Variants in SLC35F5 observed in about 807,000 individuals in gnomAD.
The protein encoded by SLC35F5 is solute carrier family 35 member F5, also known as HCV NS5A-transactivated protein 3.
A neutral mutation model predicts 68.6 loss-of-function variants in SLC35F5; 54 were observed. The observed-to-expected ratio is 0.79, with a 90% confidence interval of 0.63 to 0.99. The LOEUF (loss-of-function observed/expected upper bound fraction) is 0.99, where lower values mean the gene tolerates loss of function less well. Among genes scored for constraint, SLC35F5 ranks in the 50% least tolerant of loss-of-function variants. The pLI is 0.00. For missense variants in SLC35F5, 567 were observed against 626.9 expected, an observed-to-expected ratio of 0.90 and a Z score of 1.02; for synonymous variants, 211 against 205.2, an observed-to-expected ratio of 1.03 and a Z score of -0.24.
chr2:113,735,856 C>G lies in SLC35F5; in HGVS notation c.753G>C (p.Trp251Cys), dbSNP rs1187466058. The G allele has an allele frequency of 1.2e-6, 2 of 1,604,786 alleles. No homozygotes were observed. Among genetic ancestry groups the G allele is most frequent in the East Asian group, 2.2e-5 (1 of 44,632 alleles). The change falls in exon 8 of 16, where the codon TGG (tryptophan) becomes TGC (cysteine). Residue 251 changes from tryptophan to cysteine, a missense_variant and splice_region_variant. Coordinates refer to ENST00000245680, the MANE Select transcript of SLC35F5 (RefSeq NM_025181.5). ...CTTGATATGACAAATTTGCCAAAAA[C>G]CACTAAAGAAAAAGAAAACCAAAGT... is the stretch of plus-strand genomic sequence containing the variant. ...AKISFFFCFV[W>C]FLANLSYQEA...
Position 113,718,963 on chromosome 2 carries a change from G to C in SLC35F5, c.1496+191C>G, listed in dbSNP as rs141428044. On this transcript the variant is annotated intron_variant, in intron 14 of 15. Coordinates refer to ENST00000245680, the MANE Select transcript of SLC35F5 (RefSeq NM_025181.5). ...AGAAAGGAAGGAAGGAAGAAAGAAA[G>C]AAAGAAAGGAGAAAGAATCTTATTA... Among the ~76,000 whole-genome samples, 139 of 151,466 alleles carry C rather than the reference G, an allele frequency of 9.2e-4. 1 individual carries two copies. In the East Asian group the frequency reaches 0.024, roughly 26 times the overall value.
intron 4 of SLC35F5, among the ~76,000 whole-genome samples, chr2:113,749,632 T>C (rs1435817253): frequency 6.6e-6 from 1 of 152,126 alleles, no homozygotes; most frequent in African/African-American, 2.4e-5. Flanking sequence ...CAGTGGTTAC[T>C]AGGGTTTGGA....
intron 2 of SLC35F5, 33 bp from the exon 3 acceptor site, chr2:113,755,339 A>C (rs772230313): frequency 2.5e-6 from 4 of 1,609,296 alleles, no homozygotes; most frequent in Non-Finnish European, 3.4e-6. Context: ...CACATTAGAG[A>C]TGATTTTAGA....
At position 113,713,021 on chromosome 2, in the gene SLC35F5, C is replaced by T. The variant is rs924152960; in HGVS notation, c.*2197G>A. The T allele has an allele frequency of 2.6e-5, 4 of 152,146 alleles. No individual in the cohort carries two copies. The highest frequency in any genetic ancestry group is 9.7e-5 in the African/African-American group (4 of 41,404). The allele number at this position is 152,146 out of a possible 1,614,324, so 9.4% of individuals were successfully genotyped here. A position where few individuals can be genotyped will look rare whatever the true frequency, so the allele number is the denominator to read the frequency against. ...CAACTTTATTTCTTGAGAAGATGAA[C>T]CCTTAACTATGAAGGTGCAGAAAGG... On this transcript the variant is annotated 3_prime_UTR_variant, in exon 16 of 16. Coordinates refer to ENST00000245680, the MANE Select transcript of SLC35F5 (RefSeq NM_025181.5).
At chr2:113,734,766 A>G in intron 8 of SLC35F5, 93 bp from the exon 9 acceptor site, 1 of 688,596 alleles carries the variant, frequency 1.5e-6, no homozygotes, top group Non-Finnish European at 2.5e-6. Flanking sequence ...AGCAAATTAT[A>G]TACCTACCTT....
At chr2:113,718,866 AAAGAAAGAAAGAAAG>A (rs1687284261) in intron 14 of SLC35F5, among the ~76,000 whole-genome samples, 2 of 13,126 alleles carry the variant, frequency 1.5e-4, no homozygotes, top group African/African-American at 3.5e-4. Flanking sequence ...AGAGAAAGAA[AAAGAAAGAAAGAAAG>A]AAAGAAAGAA....
intron 14 of SLC35F5, among the ~76,000 whole-genome samples, chr2:113,718,536 T>C (rs571228467): frequency 6.6e-6 from 1 of 152,204 alleles, no homozygotes; most frequent in Non-Finnish European, 1.5e-5. Context: ...CTGTGAATCA[T>C]ATTTTTTTTA....
chr2:113,717,648 C>G (rs1687230167), intron 15 of SLC35F5, 105 bp downstream of exon 15: 1 of 734,496 alleles, frequency 1.4e-6, no homozygotes, highest in Non-Finnish European at 2.2e-6. Flanking sequence ...CCTTTAGCCT[C>G]TAAGGCTGTA....
chr2:113,734,450 A>G, intron 9 of SLC35F5, 136 bp downstream of exon 9: 4 of 593,882 alleles, frequency 6.7e-6, no homozygotes, highest in Non-Finnish European at 1.2e-5. Context: ...GCTAAGTAGC[A>G]TCATGTCCAC....
chr2:113,704,885 G>A (rs1686768700), downstream of SLC35F5: 2 of 152,946 alleles, frequency 1.3e-5, no homozygotes, highest in African/African-American at 4.8e-5. Context: ...GGCTCCTCAA[G>A]TGCCGTCAAA....
chr2:113,703,321 C>G (rs1000194637), downstream of SLC35F5, among the ~76,000 whole-genome samples: 2 of 152,088 alleles, frequency 1.3e-5, no homozygotes, highest in Non-Finnish European at 2.9e-5. Context: ...AGTCCATATG[C>G]TAAAAGCAAG....
At chr2:113,720,134 C>T (rs551933693) in intron 13 of SLC35F5, among the ~76,000 whole-genome samples, 2 of 151,442 alleles carry the variant, frequency 1.3e-5, no homozygotes, top group African/African-American at 4.8e-5. Context: ...ACTCATTCTT[C>T]CCTTTCACTA....
At chr2:113,741,479 A>G (rs530798766) in intron 7 of SLC35F5, among the ~76,000 whole-genome samples, 3 of 152,230 alleles carry the variant, frequency 2.0e-5, no homozygotes, top group Middle Eastern at 3.4e-3. Context: ...GGCAGGGGGA[A>G]TCACCTGAGG....
rs528890806 is a variant in SLC35F5, at chr2:113,756,289, G to A, written c.40+81C>T. 1.6e-5 allele frequency: 24 copies of A among 1,546,440 alleles called. No individual in the cohort carries two copies. In the South Asian group the frequency reaches 2.6e-4, roughly 17 times the overall value. Reference sequence around the variant, plus strand: ...GTCAAGGCGCTCCTGCTGCCACCGAGGGCAGGAGGTGGTGCTGCTGGTGGG... The same window carrying A: ...GTCAAGGCGCTCCTGCTGCCACCGAAGGCAGGAGGTGGTGCTGCTGGTGGG... On this transcript the variant is annotated intron_variant, in intron 1 of 15. Coordinates refer to ENST00000245680, the MANE Select transcript of SLC35F5 (RefSeq NM_025181.5).
At chr2:113,728,648 C>T (rs1010514045) in intron 11 of SLC35F5, among the ~76,000 whole-genome samples, 2 of 152,190 alleles carry the variant, frequency 1.3e-5, no homozygotes, top group African/African-American at 4.8e-5. Context: ...TTTCAGATGC[C>T]TATGAGATAA....
chr2:113,756,413 C>A lies in SLC35F5; in HGVS notation c.-4G>T. 1.9e-6 allele frequency: 3 copies of A among 1,554,902 alleles called. No individual in the cohort carries two copies. Among genetic ancestry groups the A allele is most frequent in the Non-Finnish European group, 2.6e-6 (3 of 1,151,644 alleles). On this transcript the variant is annotated 5_prime_UTR_variant, in exon 1 of 16. Coordinates refer to ENST00000245680, the MANE Select transcript of SLC35F5 (RefSeq NM_025181.5). ...GATGGCGTCGTGGCGGCACCATGAG[C>A]GGACCGGTCAGGCCCCGCAGCCGCC...
chr2:113,753,417 T>C lies in SLC35F5; in HGVS notation c.273+1748A>G, dbSNP rs149306605. Reference sequence around the variant, plus strand: ...GTCTCGAACTCCTGACTTCAGGTGATCTGCCCACCTGATCTTCCCAAAGTG... The same window carrying C: ...GTCTCGAACTCCTGACTTCAGGTGACCTGCCCACCTGATCTTCCCAAAGTG... On this transcript the variant is annotated intron_variant, in intron 3 of 15. Transcript: ENST00000245680. 8.3e-3 allele frequency among the ~76,000 whole-genome samples: 1,257 copies of C among 152,226 alleles called. 14 individuals are homozygous for C. Among genetic ancestry groups the C allele is most frequent in the African/African-American group, 0.029 (1,201 of 41,520 alleles).
intron 9 of SLC35F5, among the ~76,000 whole-genome samples, chr2:113,733,836 T>C (rs1199284058): frequency 1.3e-5 from 2 of 152,238 alleles, no homozygotes; most frequent in East Asian, 3.8e-4. Flanking sequence ...GAGCTCTTAT[T>C]CAATCTCAGC....
At chr2:113,754,299 A>AG (rs1559369614) in intron 3 of SLC35F5, among the ~76,000 whole-genome samples, 3 of 141,460 alleles carry the variant, frequency 2.1e-5, no homozygotes, top group African/African-American at 7.6e-5. Context: ...CATCTCAAAA[A>AG]AAAAAGAAAA....
Sources: gnomAD v4.1 joint callset for allele counts (sites outside exome capture counted in the v4.1 genomes callset) on GRCh38, gnomAD v4.1.1 for gene constraint, MANE v1.5 for transcripts, NCBI Gene and HGNC (gene_info 2026-07-23, HGNC 2026-07-21) for gene names.